The following FRMPD4 variants were observed in gnomAD, a reference collection of about 807,000 sequenced individuals.
FRMPD4 encodes FERM and PDZ domain containing 4, also known as FERM and PDZ domain-containing protein 4.
In FRMPD4, 22 loss-of-function variants were observed where a neutral mutation model predicts 94.1. That is an observed-to-expected ratio of 0.23 (90% confidence interval 0.17 to 0.33). The LOEUF (loss-of-function observed/expected upper bound fraction) is 0.33. Among genes scored for constraint, FRMPD4 ranks in the 10% least tolerant of loss-of-function variants. FRMPD4 has a pLI of 1.00. For missense variants in FRMPD4, 1,111 were observed against 1,339.9 expected (o/e 0.83, Z 2.67); for synonymous variants, 631 against 548.6 (o/e 1.15, Z -2.10).
rs181368802 is a variant in FRMPD4, at chrX:12,241,637, C to T, written c.41+102625C>T. On this transcript the variant is annotated intron_variant, in intron 1 of 16. Coordinates refer to ENST00000675598, the MANE Select transcript of FRMPD4 (RefSeq NM_001368397.1). ...AAATAAGGCCTGGCACACTGGCTCA[C>T]GCCTGTAAACCCAGCACTTTGGGAG... Among the ~76,000 whole-genome samples the T allele has an allele frequency of 1.7e-4, 19 of 111,751 alleles. No individual in the cohort carries two copies. In the East Asian group the frequency reaches 4.8e-3, roughly 28 times the overall value.
chrX:12,688,949 CTG>C (rs1177333074), intron 7 of FRMPD4, among the ~76,000 whole-genome samples: 1 of 109,891 alleles, frequency 9.1e-6, no homozygotes, highest in East Asian at 2.8e-4. Context: ...GATCTTGACA[CTG>C]TTGAGATATT....
At position 12,701,738 on chromosome X, in the gene FRMPD4, G is replaced by C. The variant is rs1021609101; in HGVS notation, c.934-136G>C. The C allele has an allele frequency of 6.9e-6, 4 of 581,883 alleles. No individual in the cohort carries two copies. In the Admixed American group the frequency reaches 1.3e-4, roughly 19 times the overall value. 48.0% of individuals were successfully genotyped at this position (581,883 alleles called of 1,213,427 possible). On this transcript the variant is annotated intron_variant, in intron 9 of 16. Coordinates refer to ENST00000675598, the MANE Select transcript of FRMPD4 (RefSeq NM_001368397.1). ...ACTCGTTTCCAAGCAGCACGGTGGA[G>C]ATGTTTCCACATTTAGCCTCCTTGC...
chrX:12,223,580 T>C (rs762611508), intron 1 of FRMPD4, among the ~76,000 whole-genome samples: 1 of 111,819 alleles, frequency 8.9e-6, no homozygotes, highest in East Asian at 2.8e-4. Flanking sequence ...AACCTATACA[T>C]GTACCACCTG....
chrX:11,883,211 G>A lies in FRMPD4; in HGVS notation c.95+5193G>A, dbSNP rs771507437. Among the ~76,000 whole-genome samples the A allele has an allele frequency of 1.3e-4, 14 of 111,853 alleles. No homozygotes were observed. In the East Asian group the frequency reaches 2.0e-3, roughly 16 times the overall value. Reference sequence around the variant, plus strand: ...CAACACCTAGTAAGTAGATGTTAGCGGTGAAGAGCAGTCTGGGCTACAAAT... The same window carrying A: ...CAACACCTAGTAAGTAGATGTTAGCAGTGAAGAGCAGTCTGGGCTACAAAT... On this transcript the variant is annotated intron_variant, in intron 3 of 18. Coordinates refer to the FRMPD4 transcript ENST00000640291.
intron 1 of FRMPD4, among the ~76,000 whole-genome samples, chrX:12,312,524 A>G (rs938098529): frequency 1.8e-5 from 2 of 110,508 alleles, no homozygotes; most frequent in Non-Finnish European, 1.9e-5. Flanking sequence ...AAGTGCTGGG[A>G]TTACAGGTGT....
chrX:12,620,523 A>G (rs1484120426), intron 4 of FRMPD4, among the ~76,000 whole-genome samples: 1 of 112,356 alleles, frequency 8.9e-6, no homozygotes, highest in Non-Finnish European at 1.9e-5. Flanking sequence ...ACCTAGTAAC[A>G]GGCCGATGAT....
chrX:12,436,083 G>A (rs1188952056), intron 1 of FRMPD4, among the ~76,000 whole-genome samples: 1 of 111,333 alleles, frequency 9.0e-6, no homozygotes, highest in African/African-American at 3.3e-5. Flanking sequence ...TGCGCTCACT[G>A]CAACCTCCGC....
chrX:12,418,346 CTTTCTTTT>C (rs2056836203), intron 1 of FRMPD4, among the ~76,000 whole-genome samples: 2 of 57,477 alleles, frequency 3.5e-5, no homozygotes, highest in Admixed American at 2.4e-4. Flanking sequence ...ATCAGTGTTT[CTTTCTTTT>C]TTTTTTTTTT....
intron 1 of FRMPD4, among the ~76,000 whole-genome samples, chrX:12,432,449 A>G (rs1277416766): frequency 8.9e-6 from 1 of 112,218 alleles, no homozygotes; most frequent in Non-Finnish European, 1.9e-5. Context: ...CACATAGGTT[A>G]CAATAAAGGT....
rs192148601 is a variant in FRMPD4 at position 12,460,844 on chromosome X, A to G, written c.42-37836A>G. 2.5e-4 allele frequency among the ~76,000 whole-genome samples: 28 copies of G among 111,924 alleles called. No homozygotes were observed. The East Asian group carries it at 7.3e-3, about 29-fold the overall frequency. ...GAAAACAATTACTAAAATGAAATAA[A>G]TACAGTAAGATTTTATACTCTAATT... On this transcript the variant is annotated intron_variant, in intron 1 of 16. Transcript: ENST00000675598.
At chrX:12,393,202 G>A (rs2056499879) in intron 1 of FRMPD4, among the ~76,000 whole-genome samples, 1 of 112,074 alleles carries the variant, frequency 8.9e-6, no homozygotes, top group African/African-American at 3.2e-5. Context: ...AAAAATACAG[G>A]ATGACTTGCA....
Position 12,690,304 on chromosome X carries a change from A to G in FRMPD4, c.791A>G (p.His264Arg). 8.3e-7 allele frequency: 1 copy of G among 1,209,765 alleles called. No individual in the cohort carries two copies. The highest frequency in any genetic ancestry group is 1.1e-6 in the Non-Finnish European group (1 of 893,876). Residue 264 changes from histidine to arginine, a missense_variant, in exon 8 of 17, where the codon CAT becomes CGT. Physicochemically the swap from His to Arg is conservative, Grantham distance 29. This residue lies in a region of FRMPD4 where 37 missense variants were observed against 101.0 expected (regional missense o/e 0.37). Coordinates refer to ENST00000675598, the MANE Select transcript of FRMPD4 (RefSeq NM_001368397.1). ...EGAGTKLLLL[H>R]EQETLTQVTQ... ...GCTGGAACGAAGCTGCTCTTGCTTC[A>G]TGAACAGGAGACTCTAACTCAGGTC...
At chrX:12,208,307 G>GA (rs200613969) in intron 1 of FRMPD4, among the ~76,000 whole-genome samples, 25 of 105,126 alleles carry the variant, frequency 2.4e-4, no homozygotes, top group Non-Finnish European at 3.1e-4. Context: ...CATAAAAAAG[G>GA]AAAAAAAAAA....
rs751325340 is a variant in FRMPD4, at chrX:12,462,676, A to G, written c.42-36004A>G. 8.9e-5 allele frequency among the ~76,000 whole-genome samples: 10 copies of G among 112,302 alleles called. No homozygotes were observed. The South Asian group carries it at 3.7e-3, about 41-fold the overall frequency. The stretch of plus-strand genomic sequence containing the variant: ...CTAGGTTCCAAAGAGTGAAACATTT[A>G]AGTATACATCTATTAGAAAATCAAA... On this transcript the variant is annotated intron_variant, in intron 1 of 16. Transcript: ENST00000675598.
chrX:12,650,435 G>A (rs1236082665), intron 4 of FRMPD4, among the ~76,000 whole-genome samples: 3 of 92,252 alleles, frequency 3.3e-5, no homozygotes, highest in African/African-American at 1.0e-4. Flanking sequence ...AACAGTCTTC[G>A]TTGCATAGTA....
intron 3 of FRMPD4, among the ~76,000 whole-genome samples, chrX:12,126,238 A>G (rs1030866816): frequency 8.9e-6 from 1 of 112,279 alleles, no homozygotes; most frequent in Non-Finnish European, 1.9e-5. Context: ...GGAAACAGGA[A>G]GAACCATAGA....
intron 1 of FRMPD4, among the ~76,000 whole-genome samples, chrX:12,303,504 A>C (rs897550884): frequency 8.9e-6 from 1 of 111,988 alleles, no homozygotes; most frequent in African/African-American, 3.2e-5. Context: ...AATATGGAGC[A>C]ATTGATAAAT....
At chrX:12,450,288 A>T (rs1440168693) in intron 1 of FRMPD4, among the ~76,000 whole-genome samples, 1 of 111,509 alleles carries the variant, frequency 9.0e-6, no homozygotes. Context: ...GTGTTAAAAG[A>T]CAGAAGTTTA....
At chrX:12,525,671 G>T (rs962268116) in intron 2 of FRMPD4, among the ~76,000 whole-genome samples, 1 of 112,199 alleles carries the variant, frequency 8.9e-6, no homozygotes, top group Non-Finnish European at 1.9e-5. Context: ...GTAGATACCT[G>T]GGAGTAAAAT....
Sources: gnomAD v4.1 joint callset for allele counts (sites outside exome capture counted in the v4.1 genomes callset) on GRCh38, gnomAD v4.1.1 for gene constraint, gnomAD v4.1.1 regional missense constraint, MANE v1.5 for transcripts, NCBI Gene and HGNC (gene_info 2026-07-23, HGNC 2026-07-21) for gene names.